RALGAPB: variants seen among roughly 807,000 people sequenced by gnomAD.
The protein encoded by RALGAPB is ral GTPase-activating protein subunit beta.
Under a neutral mutation model 161.1 loss-of-function variants are expected in RALGAPB, and 25 were observed. The observed-to-expected ratio is 0.16, with a 90% confidence interval of 0.11 to 0.22. The LOEUF (loss-of-function observed/expected upper bound fraction) is 0.22. Ranked by LOEUF, RALGAPB falls within the 10% of genes least tolerant of loss-of-function variation. The pLI is 1.00. For missense variants in RALGAPB, 1,391 were observed against 1,815.2 expected, an observed-to-expected ratio of 0.77 and a Z score of 4.25; for synonymous variants, 629 against 626.1, an observed-to-expected ratio of 1.00 and a Z score of -0.07.
chr20:38,565,436 A>G lies in RALGAPB; in HGVS notation c.3775A>G (p.Thr1259Ala). The change falls in exon 25 of 30, where the codon ACA becomes GCA. Residue 1259 changes from threonine to alanine, a missense_variant. By Grantham distance (58) the Thr-to-Ala change is moderately conservative. Transcript: ENST00000262879. ...GGTGCTGTATTATGCTGATGCCCTT[A>G]CAGAAATTGCTTTTGTGGTTCCTTC... ...KKVLYYADAL[T>A]EIAFVVPSPV... 1.2e-6 allele frequency: 2 copies of G among 1,613,624 alleles called. No homozygotes were observed. Among genetic ancestry groups the G allele is most frequent in the Non-Finnish European group, 1.7e-6 (2 of 1,179,668 alleles).
rs561317945 is a variant in RALGAPB, at chr20:38,577,924, A to T, written c.*2957A>T. 1 of 152,160 alleles carries T rather than the reference A, an allele frequency of 6.6e-6. No homozygotes were observed. The highest frequency in any genetic ancestry group is 2.4e-5 in the African/African-American group (1 of 41,508). The allele number at this position is 152,160 out of a possible 1,614,324, so 9.4% of individuals were successfully genotyped here. A position where few individuals can be genotyped will look rare whatever the true frequency, so the allele number is the denominator to read the frequency against. On this transcript the variant is annotated 3_prime_UTR_variant, in exon 30 of 30. Transcript: ENST00000262879. Reference sequence around the variant, plus strand: ...CATACACTAGGGAAGCATTTGTCAGACTCTGCAGACTGGGTTCTAGAGAGG... The same window carrying T: ...CATACACTAGGGAAGCATTTGTCAGTCTCTGCAGACTGGGTTCTAGAGAGG...
At chr20:38,479,871 G>A (rs970104067) in intron 1 of RALGAPB, among the ~76,000 whole-genome samples, 4 of 152,078 alleles carry the variant, frequency 2.6e-5, no homozygotes, top group Non-Finnish European at 5.9e-5. Flanking sequence ...TAGCCACATT[G>A]GAGTTTGCTC....
chr20:38,479,022 G>T (rs946805447), intron 1 of RALGAPB, among the ~76,000 whole-genome samples: 1 of 152,128 alleles, frequency 6.6e-6, no homozygotes, highest in East Asian at 1.9e-4. Flanking sequence ...AAGTGCTGGG[G>T]TTACAGGTGT....
At chr20:38,477,502 A>G (rs1328085884) in intron 1 of RALGAPB, among the ~76,000 whole-genome samples, 1 of 152,206 alleles carries the variant, frequency 6.6e-6, no homozygotes, top group South Asian at 2.1e-4. Flanking sequence ...CATCTGGTAC[A>G]TAGGTGAATA....
Position 38,499,633 on chromosome 20 carries a change from G to A in RALGAPB, c.740G>A (p.Arg247Lys). Residue 247 changes from arginine to lysine, a missense_variant and splice_region_variant, in exon 5 of 30, where the codon AGA (arginine) becomes AAA (lysine). Arg to Lys is a conservative substitution (Grantham distance 26, BLOSUM62 2). Transcript: ENST00000262879. ...WSKVICALTS[R>K]LLRFTYGPSF... ...AAGGTCATTTGTGCACTCACTTCCAGGTAGGTTATTGTCATTGCCCTGCCT... is the reference window on the plus strand; with the variant it reads ...AAGGTCATTTGTGCACTCACTTCCAAGTAGGTTATTGTCATTGCCCTGCCT... 1 of 1,609,234 alleles carries A rather than the reference G, an allele frequency of 6.2e-7. No individual in the cohort carries two copies. The highest frequency in any genetic ancestry group is 8.5e-7 in the Non-Finnish European group (1 of 1,177,898).
chr20:38,562,682 G>A lies in RALGAPB; in HGVS notation c.3682G>A (p.Glu1228Lys). The part of the protein sequence containing the change: ...SWSINCCDDG[E>K]GSQQEVISSE... ...GTCTATTAATTGTTGTGATGATGGT[G>A]AAGGATCTCAACAAGGTAAAACTCA... Residue 1228 changes from glutamate (E) to lysine (K), a missense_variant, in exon 24 of 30, where the codon GAA becomes AAA. Physicochemically the swap from Glu to Lys is moderately conservative, Grantham distance 56. Coordinates refer to ENST00000262879, the MANE Select transcript of RALGAPB (RefSeq NM_020336.4). 5 of 1,609,678 alleles carry A rather than the reference G, an allele frequency of 3.1e-6. No homozygotes were observed. The highest frequency in any genetic ancestry group is 2.5e-6 in the Non-Finnish European group (3 of 1,178,680).
At chr20:38,542,732 G>A (rs1376283218) in intron 18 of RALGAPB, among the ~76,000 whole-genome samples, 7 of 151,994 alleles carry the variant, frequency 4.6e-5, no homozygotes, top group African/African-American at 1.7e-4. Context: ...AAAATTAGCT[G>A]AGTGTGATGG....
intron 28 of RALGAPB, among the ~76,000 whole-genome samples, 178 bp downstream of exon 28, chr20:38,571,025 AT>A (rs2088216787): frequency 6.6e-6 from 1 of 152,158 alleles, no homozygotes; most frequent in Non-Finnish European, 1.5e-5. Flanking sequence ...TATAGCATGG[AT>A]TTTTTTAAAA....
At chr20:38,521,087 G>C (rs2086275998) in intron 9 of RALGAPB, among the ~76,000 whole-genome samples, 1 of 152,106 alleles carries the variant, frequency 6.6e-6, no homozygotes, top group Admixed American at 6.5e-5. Context: ...ATGTCCATCT[G>C]GGGTAATGTG....
intron 1 of RALGAPB, among the ~76,000 whole-genome samples, chr20:38,484,924 A>G (rs886110490): frequency 6.6e-6 from 1 of 151,944 alleles, no homozygotes; most frequent in Non-Finnish European, 1.5e-5. Flanking sequence ...CCAACTCCCA[A>G]CCTCAGGTGA....
intron 2 of RALGAPB, among the ~76,000 whole-genome samples, chr20:38,489,775 G>A (rs1299160436): frequency 6.6e-6 from 1 of 152,152 alleles, no homozygotes; most frequent in East Asian, 1.9e-4. Flanking sequence ...GGTCTCTGAA[G>A]AGTAAAGGTC....
intron 14 of RALGAPB, 62 bp from the exon 15 acceptor site, chr20:38,532,668 A>C: frequency 1.9e-6 from 3 of 1,572,588 alleles, no homozygotes; most frequent in Non-Finnish European, 2.6e-6. Flanking sequence ...TTAATGATTG[A>C]CCTTTATTTA....
chr20:38,550,945 C>T, intron 20 of RALGAPB, 126 bp from the exon 21 acceptor site: 1 of 1,093,134 alleles, frequency 9.1e-7, no homozygotes, highest in Non-Finnish European at 1.3e-6. Flanking sequence ...TTTGCAGGTT[C>T]TGAGTGAGTT....
chr20:38,527,855 G>A lies in RALGAPB; in HGVS notation c.2050+1813G>A, dbSNP rs115708302. 4.2e-3 allele frequency among the ~76,000 whole-genome samples: 635 copies of A among 152,290 alleles called. 3 individuals are homozygous for A. Among genetic ancestry groups the A allele is most frequent in the African/African-American group, 0.015 (604 of 41,566 alleles). ...CAAGGAAGAGTCAGTTGTTACTCTT[G>A]CCATAAAGTGGCAAAGCTCTTTCCA... On this transcript the variant is annotated intron_variant, in intron 13 of 29. Transcript: ENST00000262879.
At chr20:38,526,500 C>T (rs1428295848) in intron 13 of RALGAPB, among the ~76,000 whole-genome samples, 1 of 152,158 alleles carries the variant, frequency 6.6e-6, no homozygotes, top group East Asian at 1.9e-4. Context: ...TTCTCAAACA[C>T]ATCAGCTAAT....
rs902914883 is a variant in RALGAPB, at chr20:38,483,156, T to G, written c.-30-5247T>G. Among the ~76,000 whole-genome samples, 20 of 152,256 alleles carry G rather than the reference T, an allele frequency of 1.3e-4. 1 individual carries two copies. Among genetic ancestry groups the G allele is most frequent in the Admixed American group, 1.3e-3 (20 of 15,280 alleles). On this transcript the variant is annotated intron_variant, in intron 1 of 29. Coordinates refer to ENST00000262879, the MANE Select transcript of RALGAPB (RefSeq NM_020336.4). ...TGCCCGCCTCCGCCTCCCATGGTGCTGGGATTATAGGCGTGAGCCACCATA... is the reference window on the plus strand; with the variant it reads ...TGCCCGCCTCCGCCTCCCATGGTGCGGGGATTATAGGCGTGAGCCACCATA...
At position 38,516,228 on chromosome 20, in the gene RALGAPB, C is replaced by G. The variant is rs1158503515; in HGVS notation, c.909C>G (p.Ser303Arg). ...PVDLSNPAII[S>R]STPKFQEQFL... ...ATTTGAGTAACCCAGCTATTATAAG[C>G]TCTACTCCCAAATTTCAGGAACAGT... The change falls in exon 7 of 30, where the codon AGC (serine) becomes AGG (arginine). Residue 303 changes from serine (S) to arginine (R), a missense_variant. Physicochemically the swap from Ser to Arg is moderately radical, Grantham distance 110. Coordinates refer to ENST00000262879, the MANE Select transcript of RALGAPB (RefSeq NM_020336.4). 6.2e-7 allele frequency: 1 copy of G among 1,611,878 alleles called. No homozygotes were observed.
At chr20:38,505,787 G>A (rs1424852752) in intron 5 of RALGAPB, among the ~76,000 whole-genome samples, 1 of 152,010 alleles carries the variant, frequency 6.6e-6, no homozygotes, top group East Asian at 1.9e-4. Flanking sequence ...GTTTTATTAG[G>A]GTAGTGTGAA....
At chr20:38,562,205 A>G (rs1345248933) in intron 23 of RALGAPB, among the ~76,000 whole-genome samples, 3 of 152,224 alleles carry the variant, frequency 2.0e-5, no homozygotes, top group Admixed American at 2.0e-4. Flanking sequence ...AGTGTCTTTT[A>G]GTAAACATGC....
Sources: allele counts gnomAD v4.1 joint callset (sites outside exome capture counted in the v4.1 genomes callset), GRCh38; gene constraint gnomAD v4.1.1; transcripts MANE v1.5; gene names NCBI Gene and HGNC (gene_info 2026-07-23, HGNC 2026-07-21).